The following AP1S3 variants were observed in gnomAD, a reference collection of about 807,000 sequenced individuals.
AP1S3 encodes AP-1 complex subunit sigma-3.
AP1S3 carries 10 observed loss-of-function variants against 20.9 expected under a neutral mutation model. That is an observed-to-expected ratio of 0.48 (90% CI 0.29 to 0.81). The LOEUF (loss-of-function observed/expected upper bound fraction) is 0.81, where lower values mean the gene tolerates loss of function less well. Ranked by LOEUF, AP1S3 falls within the 30% of genes least tolerant of loss-of-function variation. The pLI, the probability that AP1S3 is intolerant of heterozygous loss-of-function variation, is 0.08. For synonymous variants in AP1S3, 41 were observed against 61.5 expected (o/e 0.67, Z 1.56); for missense variants, 154 against 183.8 (o/e 0.84, Z 0.94).
chr2:223,761,036 A>C (rs1358438491), intron 4 of AP1S3, among the ~76,000 whole-genome samples: 1 of 152,096 alleles, frequency 6.6e-6, no homozygotes, highest in Non-Finnish European at 1.5e-5. Context: ...TCTGCTAAAC[A>C]CCACACTGGC....
At chr2:223,804,880 G>C (rs1293626549) in intron 1 of AP1S3, among the ~76,000 whole-genome samples, 2 of 152,214 alleles carry the variant, frequency 1.3e-5, no homozygotes, top group Non-Finnish European at 2.9e-5. Flanking sequence ...TTTTGCAGCA[G>C]TGTTACAGGG....
chr2:223,807,384 T>A (rs1029510194), intron 1 of AP1S3, among the ~76,000 whole-genome samples: 1 of 152,164 alleles, frequency 6.6e-6, no homozygotes, highest in African/African-American at 2.4e-5. Context: ...TTCAGGGACA[T>A]CACCTCAACA....
At chr2:223,780,276 AATATATATATATAT>A (rs138804582) in intron 1 of AP1S3, among the ~76,000 whole-genome samples, 43 of 24,362 alleles carry the variant, frequency 1.8e-3, no homozygotes, top group East Asian at 3.5e-3. Flanking sequence ...ATGCCTGGCT[AATATATATATATAT>A]ATATATATAT....
chr2:223,818,546 C>T (rs770090801), intron 1 of AP1S3, among the ~76,000 whole-genome samples: 2 of 151,720 alleles, frequency 1.3e-5, no homozygotes, highest in Non-Finnish European at 2.9e-5. Context: ...GACCCAGAAA[C>T]GTTAGCAAAT....
chr2:223,759,718 G>A (rs746480678), intron 4 of AP1S3, among the ~76,000 whole-genome samples: 2 of 152,108 alleles, frequency 1.3e-5, no homozygotes, highest in South Asian at 2.1e-4. Context: ...CATCATCCAG[G>A]TATTAAGCCT....
Position 223,812,245 on chromosome 2 carries a change from G to T in AP1S3, c.3+25203C>A, listed in dbSNP as rs1184043908. On this transcript the variant is annotated intron_variant, in intron 1 of 4. Transcript: ENST00000396654. ...TTTTGTTTTTGTTTTGTTTTGAGAT[G>T]GAGTCTTACTCCATGGTCCAGGCTG... Among the ~76,000 whole-genome samples, 8 of 152,212 alleles carry T rather than the reference G, an allele frequency of 5.3e-5. No homozygotes were observed. In the East Asian group the frequency reaches 1.5e-3, roughly 29 times the overall value.
Position 223,756,132 on chromosome 2 carries a change from G to A in AP1S3, c.*2583C>T, listed in dbSNP as rs1376482032. The A allele has an allele frequency of 2.3e-5, 16 of 709,352 alleles. No homozygotes were observed. The highest frequency in any genetic ancestry group is 6.4e-5 in the South Asian group (1 of 15,654). 43.9% of individuals were successfully genotyped at this position (709,352 alleles called of 1,614,324 possible). Reference sequence around the variant, plus strand: ...GGCGGGCGGATCACCTGAGGTCGGCGTTCAAGACCAGCCTGACCAACATGG... The same window carrying A: ...GGCGGGCGGATCACCTGAGGTCGGCATTCAAGACCAGCCTGACCAACATGG... On this transcript the variant is annotated 3_prime_UTR_variant, in exon 5 of 5. Transcript: ENST00000396654.
chr2:223,818,346 G>A (rs2106123660), intron 1 of AP1S3, among the ~76,000 whole-genome samples: 2 of 151,888 alleles, frequency 1.3e-5, no homozygotes, highest in East Asian at 3.9e-4. Context: ...GAGTCCAGGA[G>A]GCAGAGGTTG....
intron 1 of AP1S3, among the ~76,000 whole-genome samples, chr2:223,819,179 C>T (rs778687435): frequency 6.6e-6 from 1 of 152,174 alleles, no homozygotes; most frequent in Non-Finnish European, 1.5e-5. Context: ...GCCAAAACCA[C>T]GCCCAGCCCT....
chr2:223,768,865 A>C (rs558528460), intron 3 of AP1S3, among the ~76,000 whole-genome samples: 129 of 152,330 alleles, frequency 8.5e-4, no homozygotes, highest in African/African-American at 3.1e-3. Flanking sequence ...AAAAAATAAA[A>C]ATAAATAAAT....
chr2:223,810,400 C>A (rs552772892), intron 1 of AP1S3, among the ~76,000 whole-genome samples: 2 of 152,262 alleles, frequency 1.3e-5, no homozygotes, highest in South Asian at 2.1e-4. Flanking sequence ...ATAGCCTCAA[C>A]CTCCTGGGCT....
intron 3 of AP1S3, among the ~76,000 whole-genome samples, chr2:223,767,237 G>A (rs1690508045): frequency 1.3e-5 from 2 of 151,900 alleles, no homozygotes; most frequent in South Asian, 2.1e-4. Flanking sequence ...CCTCCCCAAC[G>A]TTTACCTCTC....
At chr2:223,771,542 T>C (rs1046962685) in intron 3 of AP1S3, among the ~76,000 whole-genome samples, 1 of 152,180 alleles carries the variant, frequency 6.6e-6, no homozygotes, top group African/African-American at 2.4e-5. Flanking sequence ...AATAAAGCTT[T>C]CAAATGGTAG....
Position 223,758,625 on chromosome 2 carries a change from C to A in AP1S3, c.*90G>T. On this transcript the variant is annotated 3_prime_UTR_variant, in exon 5 of 5. Coordinates refer to ENST00000396654, the MANE Select transcript of AP1S3 (RefSeq NM_001039569.2). ...CCTTTAAATTATTTTTGGCATGGTGCCTGAGGCTCCATCAAAAAACCGGAT... is the reference window on the plus strand; with the variant it reads ...CCTTTAAATTATTTTTGGCATGGTGACTGAGGCTCCATCAAAAAACCGGAT... 3 of 1,463,270 alleles carry A rather than the reference C, an allele frequency of 2.1e-6. No homozygotes were observed. The highest frequency in any genetic ancestry group is 1.6e-5 in the South Asian group (1 of 64,188). 90.6% of individuals were successfully genotyped at this position (1,463,270 alleles called of 1,614,324 possible).
intron 1 of AP1S3, among the ~76,000 whole-genome samples, chr2:223,823,058 T>C (rs953853402): frequency 5.9e-5 from 9 of 152,184 alleles, no homozygotes; most frequent in Non-Finnish European, 1.5e-5. Flanking sequence ...CTCACACCTG[T>C]TAGAAAGGCT....
chr2:223,756,777 A>G lies in AP1S3; in HGVS notation c.*1938T>C. ...AAATATGTCTGCTGAGATGAACTAA[A>G]GAGAACATTTTTCCATCGAGTTCTC... On this transcript the variant is annotated 3_prime_UTR_variant, in exon 5 of 5. Transcript: ENST00000396654. 1 of 985,408 alleles carries G rather than the reference A, an allele frequency of 1.0e-6. No homozygotes were observed. Among genetic ancestry groups the G allele is most frequent in the Non-Finnish European group, 1.2e-6 (1 of 829,926 alleles). 61.0% of individuals were successfully genotyped at this position (985,408 alleles called of 1,614,324 possible). A position where few individuals can be genotyped will look rare whatever the true frequency, so the allele number is the denominator to read the frequency against.
chr2:223,770,988 G>A (rs1231349392), intron 3 of AP1S3, among the ~76,000 whole-genome samples: 1 of 151,760 alleles, frequency 6.6e-6, no homozygotes, highest in Non-Finnish European at 1.5e-5. Context: ...CCCCACCTTG[G>A]CCTCCCAAAG....
At chr2:223,778,346 G>T (rs559992159) in intron 1 of AP1S3, among the ~76,000 whole-genome samples, 1 of 151,652 alleles carries the variant, frequency 6.6e-6, no homozygotes, top group Non-Finnish European at 1.5e-5. Flanking sequence ...GGCTGGTCTC[G>T]AACTCCTGAC....
chr2:223,756,585 G>A lies in AP1S3; in HGVS notation c.*2130C>T, dbSNP rs1194365071. The A allele has an allele frequency of 5.1e-6, 5 of 985,278 alleles. No individual in the cohort carries two copies. Among genetic ancestry groups the A allele is most frequent in the Non-Finnish European group, 6.0e-6 (5 of 829,904 alleles). 61.0% of individuals were successfully genotyped at this position (985,278 alleles called of 1,614,324 possible). Reference sequence around the variant, plus strand: ...GTCAATCATACATGATAAACTTCAAGCTGATGCCATAATTGTAATTACATG... The same window carrying A: ...GTCAATCATACATGATAAACTTCAAACTGATGCCATAATTGTAATTACATG... On this transcript the variant is annotated 3_prime_UTR_variant, in exon 5 of 5. Transcript: ENST00000396654.
Sources: allele counts gnomAD v4.1 joint callset (sites outside exome capture counted in the v4.1 genomes callset), GRCh38; gene constraint gnomAD v4.1.1; transcripts MANE v1.5; gene names NCBI Gene and HGNC (gene_info 2026-07-23, HGNC 2026-07-21).